PLBD2: variants seen among roughly 807,000 people sequenced by gnomAD.
PLBD2 encodes the protein putative aminopeptidase PLBD2.
A neutral mutation model predicts 68.3 loss-of-function variants in PLBD2; 51 were observed. The ratio of observed to expected loss-of-function variants is 0.75; its 90% CI spans 0.60 to 0.94. The LOEUF (loss-of-function observed/expected upper bound fraction) is 0.94, where lower values mean the gene tolerates loss of function less well. Ranked by LOEUF, PLBD2 falls within the 40% of genes least tolerant of loss-of-function variation. PLBD2 has a pLI of 0.00. For synonymous variants in PLBD2, 314 were observed against 339.3 expected (o/e 0.93, Z 0.82); for missense variants, 729 against 792.2 (o/e 0.92, Z 0.96).
Position 113,374,406 on chromosome 12 carries a change from G to A in PLBD2, c.544-68G>A, listed in dbSNP as rs570278506. ...GAACCCCCAGGCCAGAGCCCGTCCCGTTGAAGGAGAAGGTGTGAGCCTGGA... is the reference window on the plus strand; with the variant it reads ...GAACCCCCAGGCCAGAGCCCGTCCCATTGAAGGAGAAGGTGTGAGCCTGGA... On this transcript the variant is annotated intron_variant, in intron 3 of 11. Coordinates refer to ENST00000280800, the MANE Select transcript of PLBD2 (RefSeq NM_173542.4). The A allele has an allele frequency of 1.7e-4, 186 of 1,104,960 alleles. No homozygotes were observed. In the South Asian group the frequency reaches 1.7e-3, roughly 10 times the overall value. 68.4% of individuals were successfully genotyped at this position (1,104,960 alleles called of 1,614,324 possible).
intron 11 of PLBD2, 72 bp from the exon 12 acceptor site, chr12:113,388,387 G>T: frequency 2.8e-6 from 4 of 1,412,242 alleles, no homozygotes; most frequent in Non-Finnish European, 3.7e-6. Flanking sequence ...TCAAGGTCAG[G>T]GTGGGAGGCT....
intron 1 of PLBD2, among the ~76,000 whole-genome samples, chr12:113,363,571 C>G (rs1036700584): frequency 6.8e-6 from 1 of 147,120 alleles, no homozygotes; most frequent in African/African-American, 2.5e-5. Context: ...TGGAGTCTCG[C>G]CCTGTTGCCC....
rs1483462915 is a variant in PLBD2, at chr12:113,388,485, C to T, written c.1629C>T (p.Ile543=). 2 of 1,601,974 alleles carry T rather than the reference C, an allele frequency of 1.2e-6. No individual in the cohort carries two copies. The highest frequency in any genetic ancestry group is 1.7e-6 in the Non-Finnish European group (2 of 1,177,120). Residue 543 remains isoleucine, a synonymous_variant, in exon 12 of 12, where the codon ATC becomes ATT. Transcript: ENST00000280800. The part of the protein sequence containing the change: ...VKVTSMSLAR[I]LSLLAASGPT... ...TGACCAGCATGTCACTGGCCAGGAT[C>T]CTGAGCCTGCTGGCGGCCAGCGGTC...
chr12:113,387,965 TG>T, intron 11 of PLBD2, 59 bp downstream of exon 11: 1 of 1,588,774 alleles, frequency 6.3e-7, no homozygotes, highest in Non-Finnish European at 8.6e-7. Flanking sequence ...TCACCAGCTT[TG>T]GGGAAGGGAC....
chr12:113,384,015 A>T lies in PLBD2; in HGVS notation c.958-90A>T. On this transcript the variant is annotated intron_variant, in intron 6 of 11. Coordinates refer to ENST00000280800, the MANE Select transcript of PLBD2 (RefSeq NM_173542.4). The surrounding 1 kb of genome is among the most constrained non-coding windows in gnomAD (Gnocchi z 4.2). ...CTATCTCAAAAAAAAAAAAAAAAAA[A>T]AAAAATTTTTGGAGCCATGACTGAT... 1.7e-6 allele frequency: 2 copies of T among 1,182,058 alleles called. No homozygotes were observed. The highest frequency in any genetic ancestry group is 2.2e-6 in the Non-Finnish European group (2 of 895,796). 73.2% of individuals were successfully genotyped at this position (1,182,058 alleles called of 1,614,324 possible).
In PLBD2 at chr12:113,389,271, T is replaced by A. The variant is rs1957585516; in HGVS notation, c.*645T>A. 1 of 152,404 alleles carries A rather than the reference T, an allele frequency of 6.6e-6. No homozygotes were observed. The highest frequency in any genetic ancestry group is 1.5e-5 in the Non-Finnish European group (1 of 68,122). The allele number at this position is 152,404 out of a possible 1,614,324, so 9.4% of individuals were successfully genotyped here. A position where few individuals can be genotyped will look rare whatever the true frequency, so the allele number is the denominator to read the frequency against. The stretch of plus-strand genomic sequence containing the variant: ...ATGTCAGGCAGAGGGTCAGCCCCCA[T>A]GCTTCTGCCTCAGGCCCCACCCCAC... On this transcript the variant is annotated 3_prime_UTR_variant, in exon 12 of 12. Transcript: ENST00000280800.
chr12:113,387,684 G>T, intron 10 of PLBD2, 60 bp from the exon 11 acceptor site: 5 of 1,551,944 alleles, frequency 3.2e-6, no homozygotes, highest in Non-Finnish European at 4.4e-6. Flanking sequence ...GAGGATTTTG[G>T]CCCCCGTCTT....
At position 113,391,447 on chromosome 12, in the gene PLBD2, C is replaced by A. The variant is rs1213528945; in HGVS notation, c.*2821C>A. On this transcript the variant is annotated 3_prime_UTR_variant, in exon 12 of 12. Coordinates refer to ENST00000280800, the MANE Select transcript of PLBD2 (RefSeq NM_173542.4). ...GCAAACACTTATTGAACCCCTAGTA[C>A]ATGCCAGGCACTGTTATGAGGTCCC... The A allele has an allele frequency of 3.3e-5, 5 of 152,250 alleles. No homozygotes were observed. The highest frequency in any genetic ancestry group is 1.2e-4 in the African/African-American group (5 of 41,462). The allele number at this position is 152,250 out of a possible 1,614,324, so 9.4% of individuals were successfully genotyped here.
chr12:113,370,880 C>T (rs1957384112), intron 2 of PLBD2, among the ~76,000 whole-genome samples: 1 of 152,172 alleles, frequency 6.6e-6, no homozygotes, highest in Non-Finnish European at 1.5e-5. Context: ...CCATAAATTA[C>T]TGACTTTTCC....
chr12:113,360,799 G>C (rs912295444), intron 1 of PLBD2, among the ~76,000 whole-genome samples: 8 of 152,164 alleles, frequency 5.3e-5, no homozygotes, highest in African/African-American at 1.9e-4. Flanking sequence ...GGAATTACAG[G>C]TGTGTGCCAC....
chr12:113,376,273 C>T (rs1169720332), intron 5 of PLBD2, among the ~76,000 whole-genome samples: 2 of 151,588 alleles, frequency 1.3e-5, no homozygotes, highest in Non-Finnish European at 2.9e-5. Context: ...AAGTGATTCT[C>T]CTGCCTCAGC....
chr12:113,377,895 T>C (rs568916418), intron 5 of PLBD2, among the ~76,000 whole-genome samples: 3 of 152,350 alleles, frequency 2.0e-5, no homozygotes, highest in South Asian at 4.1e-4. Flanking sequence ...TTATAGAACA[T>C]TGGAGAATCC....
rs1288669871 is a variant in PLBD2 at position 113,358,666 on chromosome 12, G to GCTGGCCCTGGTGCTGGCC, written c.70_87dup (p.Ala24_Leu29dup). On this transcript the variant is annotated inframe_insertion, in exon 1 of 12. Coordinates refer to ENST00000280800, the MANE Select transcript of PLBD2 (RefSeq NM_173542.4). Reference sequence around the variant, plus strand: ...CCCGGGCGCTGACGCGGGCGCTGGCGCTGGCCCTGGTGCTGGCCCTGCTGG... The same window carrying GCTGGCCCTGGTGCTGGCC: ...CCCGGGCGCTGACGCGGGCGCTGGCGCTGGCCCTGGTGCTGGCCCTGGCCCTGGTGCTGGCCCTGCTGG... 2 of 1,459,652 alleles carry GCTGGCCCTGGTGCTGGCC rather than the reference G, an allele frequency of 1.4e-6. No individual in the cohort carries two copies. The highest frequency in any genetic ancestry group is 1.3e-5 in the South Asian group (1 of 74,384). The allele number at this position is 1,459,652 out of a possible 1,614,324, so 90.4% of individuals were successfully genotyped here.
At chr12:113,381,807 T>A (rs942706320) in intron 6 of PLBD2, among the ~76,000 whole-genome samples, 2 of 152,154 alleles carry the variant, frequency 1.3e-5, no homozygotes, top group African/African-American at 4.8e-5. Flanking sequence ...GAATAGTGTT[T>A]TAACTTTTAT....
In PLBD2 at chr12:113,391,611, G is replaced by A. The variant is rs928134291; in HGVS notation, c.*2985G>A. ...GTGGAGAAAATAAAGCAAGGTTGGG[G>A]TCTGGGGTTGGGAATTGACTTGTGG... On this transcript the variant is annotated 3_prime_UTR_variant, in exon 12 of 12. Transcript: ENST00000280800. 6.6e-6 allele frequency: 1 copy of A among 152,216 alleles called. No homozygotes were observed. Among genetic ancestry groups the A allele is most frequent in the Non-Finnish European group, 1.5e-5 (1 of 68,042 alleles). 9.4% of individuals were successfully genotyped at this position (152,216 alleles called of 1,614,324 possible).
chr12:113,387,614 G>C, intron 10 of PLBD2, 130 bp from the exon 11 acceptor site: 1 of 988,742 alleles, frequency 1.0e-6, no homozygotes, highest in Non-Finnish European at 1.5e-6. Context: ...GTCGGGGGTA[G>C]TGTGCAGTGG....
chr12:113,363,003 C>T (rs1271146030), intron 1 of PLBD2, among the ~76,000 whole-genome samples: 6 of 150,516 alleles, frequency 4.0e-5, no homozygotes, highest in African/African-American at 1.5e-4. Context: ...ACCATGTTGG[C>T]CAGGCTGGTC....
chr12:113,376,578 G>A (rs1593286265), intron 5 of PLBD2, among the ~76,000 whole-genome samples: 1 of 152,202 alleles, frequency 6.6e-6, no homozygotes, highest in African/African-American at 2.4e-5. Context: ...CATATGGCTT[G>A]GATGCAGGCA....
intron 11 of PLBD2, 85 bp downstream of exon 11, chr12:113,387,991 C>A: frequency 6.7e-7 from 1 of 1,496,074 alleles, no homozygotes; most frequent in South Asian, 1.2e-5. Flanking sequence ...TGGGGCAAAG[C>A]TGATGGCGGG....
Sources: gnomAD v4.1 joint callset for allele counts (sites outside exome capture counted in the v4.1 genomes callset) on GRCh38, gnomAD v4.1.1 for gene constraint, Gnocchi (gnomAD v3.1) non-coding constraint, MANE v1.5 for transcripts, NCBI Gene and HGNC (gene_info 2026-07-23, HGNC 2026-07-21) for gene names.